Variants in DENND4C observed in about 807,000 individuals in gnomAD.
DENND4C encodes the protein DENN domain containing 4C.
Under a neutral mutation model 203.0 loss-of-function variants are expected in DENND4C, and 108 were observed. That is an observed-to-expected ratio of 0.53 (90% CI 0.46 to 0.62). The LOEUF (loss-of-function observed/expected upper bound fraction) is 0.62, where lower values mean the gene tolerates loss of function less well. Among genes scored for constraint, DENND4C ranks in the 20% least tolerant of loss-of-function variants. DENND4C has a pLI of 0.00. For missense variants in DENND4C, 2,481 were observed against 2,301.2 expected (o/e 1.08, Z -1.60); for synonymous variants, 871 against 792.4 (o/e 1.10, Z -1.67).
At position 19,372,298 on chromosome 9, in the gene DENND4C, A is replaced by G; in HGVS notation, c.*125A>G. Reference sequence around the variant, plus strand: ...CGGAATTGAAGTAACTCTTGGGGACAATATATAATGAATTATGATTCATAT... The same window carrying G: ...CGGAATTGAAGTAACTCTTGGGGACGATATATAATGAATTATGATTCATAT... On this transcript the variant is annotated 3_prime_UTR_variant, in exon 33 of 33. Transcript: ENST00000434457. 2 of 1,155,664 alleles carry G rather than the reference A, an allele frequency of 1.7e-6. No homozygotes were observed. Among genetic ancestry groups the G allele is most frequent in the Non-Finnish European group, 2.4e-6 (2 of 822,696 alleles). The allele number at this position is 1,155,664 out of a possible 1,614,324, so 71.6% of individuals were successfully genotyped here. A position where few individuals can be genotyped will look rare whatever the true frequency, so the allele number is the denominator to read the frequency against.
intron 1 of DENND4C, among the ~76,000 whole-genome samples, chr9:19,237,185 T>A (rs1162268854): frequency 6.6e-6 from 1 of 150,682 alleles, no homozygotes; most frequent in East Asian, 2.0e-4. Flanking sequence ...CACGCCCGGC[T>A]AATTTTTTGT....
At chr9:19,274,008 G>C (rs553642743) in intron 1 of DENND4C, among the ~76,000 whole-genome samples, 1 of 152,122 alleles carries the variant, frequency 6.6e-6, no homozygotes, top group African/African-American at 2.4e-5. Context: ...TAACCTAAAT[G>C]TCCATTAATA....
chr9:19,324,121 A>T (rs903494991), intron 12 of DENND4C, among the ~76,000 whole-genome samples: 2 of 152,194 alleles, frequency 1.3e-5, no homozygotes, highest in African/African-American at 4.8e-5. Flanking sequence ...TCCCCAAGAT[A>T]TGTGATTGTG....
intron 15 of DENND4C, among the ~76,000 whole-genome samples, chr9:19,327,256 G>C (rs958723392): frequency 2.0e-5 from 3 of 151,984 alleles, no homozygotes; most frequent in African/African-American, 4.8e-5. Flanking sequence ...GAAATAAGTA[G>C]ACAATTTCCA....
intron 1 of DENND4C, among the ~76,000 whole-genome samples, chr9:19,259,412 T>C (rs927119215): frequency 7.9e-5 from 12 of 152,190 alleles, no homozygotes; most frequent in African/African-American, 2.9e-4. Context: ...CCTCCAGTTC[T>C]ATCTATGTTG....
chr9:19,231,937 GC>G (rs1434402754), intron 1 of DENND4C, among the ~76,000 whole-genome samples: 1 of 152,102 alleles, frequency 6.6e-6, no homozygotes, highest in Non-Finnish European at 1.5e-5. Context: ...GTGCTAAGGC[GC>G]TAAGTTCTGG....
chr9:19,337,609 A>T lies in DENND4C; in HGVS notation c.2881+777A>T, dbSNP rs1236285055. ...CATGGTGTGGGGTGCAGACAGACTT[A>T]TATGACGTGAAGCTATGGATACACG... On this transcript the variant is annotated intron_variant, in intron 20 of 32. Transcript: ENST00000434457. 2.3e-6 allele frequency: 3 copies of T among 1,282,276 alleles called. 1 individual carries two copies. Among genetic ancestry groups the T allele is most frequent in the African/African-American group, 1.5e-5 (1 of 65,576 alleles). 79.4% of individuals were successfully genotyped at this position (1,282,276 alleles called of 1,614,324 possible).
intron 24 of DENND4C, among the ~76,000 whole-genome samples, chr9:19,351,137 A>G (rs935620689): frequency 1.3e-5 from 2 of 152,018 alleles, no homozygotes; most frequent in Admixed American, 6.6e-5. Context: ...TGATTGAGAG[A>G]TTTTTAATAC....
rs61377816 is a variant in DENND4C at position 19,322,086 on chromosome 9, C to T, written c.1808-2276C>T. On this transcript the variant is annotated intron_variant, in intron 12 of 32. Coordinates refer to ENST00000434457, the MANE Select transcript of DENND4C (RefSeq NM_001330640.2). ...ACTGAAGTATGCTCATTTCGGGGTGCGGAGGGGGCACAAAAAACATGAAGG... is the reference window on the plus strand; with the variant it reads ...ACTGAAGTATGCTCATTTCGGGGTGTGGAGGGGGCACAAAAAACATGAAGG... 3.2e-3 allele frequency among the ~76,000 whole-genome samples: 486 copies of T among 151,910 alleles called. 1 individual carries two copies. Among genetic ancestry groups the T allele is most frequent in the African/African-American group, 0.011 (458 of 41,414 alleles).
chr9:19,372,238 A>G lies in DENND4C; in HGVS notation c.*65A>G, dbSNP rs954714932. ...ATTAGATTTCATCTGGAAACATTCA[A>G]GTTTTTTTTTCCAAATCGTAAGAAC... On this transcript the variant is annotated 3_prime_UTR_variant, in exon 33 of 33. Transcript: ENST00000434457. 2 of 1,552,356 alleles carry G rather than the reference A, an allele frequency of 1.3e-6. No homozygotes were observed. Among genetic ancestry groups the G allele is most frequent in the Non-Finnish European group, 1.7e-6 (2 of 1,150,468 alleles).
intron 10 of DENND4C, among the ~76,000 whole-genome samples, chr9:19,315,477 C>T (rs1026515437): frequency 4.0e-5 from 6 of 149,114 alleles, no homozygotes; most frequent in African/African-American, 9.9e-5. Flanking sequence ...ATTTTATATT[C>T]TTATATTCTT....
chr9:19,281,798 T>C (rs1471224190), intron 2 of DENND4C, among the ~76,000 whole-genome samples: 1 of 152,252 alleles, frequency 6.6e-6, no homozygotes, highest in Admixed American at 6.5e-5. Context: ...AACTATAGCC[T>C]ATTTTTCTTA....
At chr9:19,256,115 C>T (rs1827857118) in intron 1 of DENND4C, among the ~76,000 whole-genome samples, 1 of 151,322 alleles carries the variant, frequency 6.6e-6, no homozygotes, top group South Asian at 2.1e-4. Context: ...AGATTCTTAG[C>T]CATAAAACAA....
At chr9:19,279,871 C>T (rs1023412180) in intron 2 of DENND4C, among the ~76,000 whole-genome samples, 2 of 150,100 alleles carry the variant, frequency 1.3e-5, no homozygotes, top group Non-Finnish European at 3.0e-5. Flanking sequence ...AACAAAATTC[C>T]CAGAAACAAT....
intron 10 of DENND4C, among the ~76,000 whole-genome samples, chr9:19,309,448 G>T (rs1460360599): frequency 2.6e-5 from 4 of 151,796 alleles, no homozygotes; most frequent in African/African-American, 7.3e-5. Context: ...ATTGATTGTA[G>T]TGGTGGTTAC....
At chr9:19,336,504 A>C in intron 19 of DENND4C, 90 bp downstream of exon 19, 1 of 1,475,148 alleles carries the variant, frequency 6.8e-7, no homozygotes, top group Middle Eastern at 2.1e-4. Flanking sequence ...AGAAAACTTA[A>C]ATTCCGGTAG....
chr9:19,340,890 T>C (rs773815109), intron 20 of DENND4C, 102 bp from the exon 21 acceptor site: 20 of 1,047,810 alleles, frequency 1.9e-5, no homozygotes, highest in Non-Finnish European at 2.6e-5. Flanking sequence ...TCCTTTTGTC[T>C]AACCGTAATT....
intron 1 of DENND4C, among the ~76,000 whole-genome samples, chr9:19,257,925 C>A (rs540219800): frequency 6.6e-6 from 1 of 152,170 alleles, no homozygotes; most frequent in Admixed American, 6.5e-5. Flanking sequence ...GAGTTTTAGA[C>A]CAGCCTGGGA....
intron 29 of DENND4C, among the ~76,000 whole-genome samples, chr9:19,361,163 G>A (rs1036101803): frequency 3.3e-5 from 5 of 152,122 alleles, no homozygotes; most frequent in African/African-American, 7.2e-5. Context: ...GTGCCCGGCT[G>A]GTAGCTATTA....
Sources: allele counts gnomAD v4.1 joint callset (sites outside exome capture counted in the v4.1 genomes callset), GRCh38; gene constraint gnomAD v4.1.1; transcripts MANE v1.5; gene names NCBI Gene and HGNC (gene_info 2026-07-23, HGNC 2026-07-21).